Variants in SNX29 observed in about 807,000 individuals in gnomAD.
The protein encoded by SNX29 is sorting nexin-29.
SNX29 carries 78 observed loss-of-function variants against 102.1 expected under a neutral mutation model. The ratio of observed to expected loss-of-function variants is 0.76; its 90% CI spans 0.64 to 0.92. The LOEUF (loss-of-function observed/expected upper bound fraction) is 0.92, where lower values mean the gene tolerates loss of function less well. Ranked by LOEUF, SNX29 falls within the 40% of genes least tolerant of loss-of-function variation. The pLI is 0.00. For missense variants in SNX29, 1,280 were observed against 1,061.7 expected (o/e 1.21, Z -2.86); for synonymous variants, 580 against 414.5 (o/e 1.40, Z -4.85).
chr16:12,440,542 G>C (rs542542110), intron 18 of SNX29, among the ~76,000 whole-genome samples: 22 of 152,210 alleles, frequency 1.4e-4, no homozygotes, highest in African/African-American at 5.1e-4. Flanking sequence ...TCTTCACTCA[G>C]GTATTAAGCC....
At chr16:12,509,480 G>C (rs1434452934) in intron 19 of SNX29, among the ~76,000 whole-genome samples, 1 of 152,192 alleles carries the variant, frequency 6.6e-6, no homozygotes, top group Non-Finnish European at 1.5e-5. Context: ...TGAAATTATT[G>C]GCCTTGGGAG....
rs200991052 is a variant in SNX29 at position 12,098,409 on chromosome 16, C to A, written c.1402+19494C>A. Among the ~76,000 whole-genome samples the A allele has an allele frequency of 1.1e-4, 16 of 152,204 alleles. No homozygotes were observed. Among genetic ancestry groups the A allele is most frequent in the Non-Finnish European group, 2.4e-4 (16 of 68,046 alleles). ...TGGAGTTCACCTTCTGGAAGAACGTCGCTGCCCAGTTGAATAGGGGGTTGG... is the reference window on the plus strand; with the variant it reads ...TGGAGTTCACCTTCTGGAAGAACGTAGCTGCCCAGTTGAATAGGGGGTTGG... On this transcript the variant is annotated intron_variant, in intron 11 of 20. Coordinates refer to ENST00000566228, the MANE Select transcript of SNX29 (RefSeq NM_032167.5). This position sits in a 1 kb window ranked among gnomAD's most constrained non-coding sequence, Gnocchi z 6.0.
chr16:11,977,333 G>A (rs1196228416), intron 1 of SNX29: 2 of 154,136 alleles, frequency 1.3e-5, no homozygotes, highest in African/African-American at 4.8e-5. Context: ...CCCCAGAGGA[G>A]CTCAATTCTG....
In SNX29 at chr16:12,078,116, G is replaced by A. The variant is rs531263359; in HGVS notation, c.1320-717G>A. 2.0e-5 allele frequency among the ~76,000 whole-genome samples: 3 copies of A among 152,280 alleles called. No individual in the cohort carries two copies. The South Asian group carries it at 6.2e-4, about 32-fold the overall frequency. On this transcript the variant is annotated intron_variant, in intron 10 of 20. Transcript: ENST00000566228. ...ATACGGCACATCACAGCCTTCCTGT[G>A]CTTAGGAACTGTCGGCAGTACCACT...
intron 8 of SNX29, among the ~76,000 whole-genome samples, chr16:12,060,144 C>T (rs913710522): frequency 1.5e-4 from 22 of 149,956 alleles, no homozygotes; most frequent in African/African-American, 5.2e-4. Flanking sequence ...AAAATATTAC[C>T]AAAAAAAAAC....
chr16:12,207,027 A>T (rs830724), intron 14 of SNX29, among the ~76,000 whole-genome samples: 88,806 of 151,784 alleles, frequency 0.59, 29,631 homozygotes, highest in Non-Finnish European at 0.73. Context: ...TTGAATCCAG[A>T]TTTAGCCTCA....
At chr16:12,524,953 G>C in intron 20 of SNX29, 112 bp downstream of exon 20, 1 of 1,454,750 alleles carries the variant, frequency 6.9e-7, no homozygotes. Flanking sequence ...GATCGCCATG[G>C]GACCCAGGCG....
chr16:12,092,406 C>G (rs575341899), intron 11 of SNX29, among the ~76,000 whole-genome samples: 4 of 152,298 alleles, frequency 2.6e-5, no homozygotes, highest in African/African-American at 9.6e-5. Context: ...AGGGCGGGCT[C>G]CAGTCTGTTA....
At chr16:12,406,156 A>G (rs1597263705) in intron 18 of SNX29, among the ~76,000 whole-genome samples, 4 of 152,252 alleles carry the variant, frequency 2.6e-5, no homozygotes, top group African/African-American at 7.2e-5. Flanking sequence ...ATGAAAATGT[A>G]AACTAAGGGT....
intron 14 of SNX29, among the ~76,000 whole-genome samples, chr16:12,212,661 T>A (rs1166607921): frequency 6.6e-6 from 1 of 152,254 alleles, no homozygotes; most frequent in Non-Finnish European, 1.5e-5. Context: ...TCTGTTCTTG[T>A]TTGCTTACTT....
At chr16:12,016,388 G>A (rs956904747) in intron 3 of SNX29, among the ~76,000 whole-genome samples, 2 of 152,118 alleles carry the variant, frequency 1.3e-5, no homozygotes, top group Non-Finnish European at 2.9e-5. Context: ...TCTGGCTTTC[G>A]AAACATTTCT....
intron 20 of SNX29, among the ~76,000 whole-genome samples, chr16:12,544,773 G>A (rs1010451896): frequency 1.3e-5 from 2 of 152,186 alleles, no homozygotes; most frequent in African/African-American, 4.8e-5. Context: ...TCGCACAGCT[G>A]GTAAACTGCA....
At chr16:12,099,841 A>G (rs2052933808) in intron 11 of SNX29, among the ~76,000 whole-genome samples, 1 of 151,964 alleles carries the variant, frequency 6.6e-6, no homozygotes, top group Non-Finnish European at 1.5e-5. Context: ...CCTGGCTCTG[A>G]GATGGAAGGA....
intron 11 of SNX29, among the ~76,000 whole-genome samples, chr16:12,089,379 C>T (rs779070767): frequency 2.5e-4 from 38 of 152,010 alleles, no homozygotes; most frequent in Non-Finnish European, 5.6e-4. Flanking sequence ...AAACCTGCAA[C>T]TATTTCTGCC....
rs978788623 is a variant in SNX29 at position 12,569,878 on chromosome 16, G to C, written c.*1249G>C. On this transcript the variant is annotated 3_prime_UTR_variant, in exon 21 of 21. Coordinates refer to ENST00000566228, the MANE Select transcript of SNX29 (RefSeq NM_032167.5). The stretch of plus-strand genomic sequence containing the variant: ...CGTGAAATGGACTATGCAAGAGTAA[G>C]TTTGTGTGTTTCGCCTTAATCTGAG... 1.7e-5 allele frequency: 4 copies of C among 231,486 alleles called. No individual in the cohort carries two copies. The highest frequency in any genetic ancestry group is 6.6e-5 in the African/African-American group (3 of 45,234). The allele number at this position is 231,486 out of a possible 1,614,324, so 14.3% of individuals were successfully genotyped here.
chr16:12,077,452 C>T (rs977730694), intron 10 of SNX29, among the ~76,000 whole-genome samples: 8 of 147,926 alleles, frequency 5.4e-5, no homozygotes, highest in South Asian at 2.2e-4. Flanking sequence ...ATGTGATGAC[C>T]GTGCTGTTCT....
At chr16:12,414,698 C>T (rs961938945) in intron 18 of SNX29, among the ~76,000 whole-genome samples, 2 of 151,576 alleles carry the variant, frequency 1.3e-5, no homozygotes, top group South Asian at 2.1e-4. Context: ...AAGCTTGGGA[C>T]GATTTTGTTT....
Position 12,524,731 on chromosome 16 carries a change from G to T in SNX29, c.2208G>T (p.Lys736Asn). 6.2e-7 allele frequency: 1 copy of T among 1,613,602 alleles called. No homozygotes were observed. Among genetic ancestry groups the T allele is most frequent in the Non-Finnish European group, 8.5e-7 (1 of 1,179,764 alleles). Reference sequence around the variant, plus strand: ...CCAAGTTTGTGGAGGAACGGAGAAAGCAGCTCCAGAATTACCTGCGCAGCG... The same window carrying T: ...CCAAGTTTGTGGAGGAACGGAGAAATCAGCTCCAGAATTACCTGCGCAGCG... The part of the protein sequence containing the change: ...KDAKFVEERR[K>N]QLQNYLRSVM... The change falls in exon 20 of 21, where the codon AAG becomes AAT. Residue 736 changes from lysine to asparagine, a missense_variant. Transcript: ENST00000566228.
intron 18 of SNX29, among the ~76,000 whole-genome samples, chr16:12,474,308 G>A (rs1436034090): frequency 2.0e-5 from 3 of 152,306 alleles, no homozygotes; most frequent in Admixed American, 1.3e-4. Context: ...GCGGATCCTG[G>A]GTGCAGATTT....
Sources: gnomAD v4.1 joint callset for allele counts (sites outside exome capture counted in the v4.1 genomes callset) on GRCh38, gnomAD v4.1.1 for gene constraint, Gnocchi (gnomAD v3.1) non-coding constraint, MANE v1.5 for transcripts, NCBI Gene and HGNC (gene_info 2026-07-23, HGNC 2026-07-21) for gene names.